The following PCDHGC3 variants were observed in gnomAD, a reference collection of about 807,000 sequenced individuals.
PCDHGC3 encodes protocadherin gamma-C3.
In PCDHGC3, 26 loss-of-function variants were observed where a neutral mutation model predicts 59.2. The observed-to-expected ratio is 0.44, with a 90% CI of 0.32 to 0.61. The LOEUF is 0.61. PCDHGC3 is among the 20% of genes least tolerant of loss of function. The pLI is 0.05. For missense variants in PCDHGC3, 1,080 were observed against 1,221.8 expected (o/e 0.88, Z 1.73); for synonymous variants, 487 against 519.7 (o/e 0.94, Z 0.86).
rs2099394683 is a variant in PCDHGC3, at chr5:141,476,602, C to G, written c.486C>G (p.Pro162=). 2.5e-6 allele frequency: 4 copies of G among 1,614,208 alleles called. No individual in the cohort carries two copies. The highest frequency in any genetic ancestry group is 2.2e-5 in the East Asian group (1 of 44,862). Reference sequence around the variant, plus strand: ...TTCCGCTCGAGAGCGCGCACGATCCCGATGTGGGAAGCAACTCTTTACAAA... The same window carrying G: ...TTCCGCTCGAGAGCGCGCACGATCCGGATGTGGGAAGCAACTCTTTACAAA... The part of the protein sequence containing the change: ...TRFPLESAHD[P]DVGSNSLQTY... The change falls in exon 1 of 4, where the codon CCC becomes CCG. Residue 162 remains proline, a synonymous_variant. Transcript: ENST00000308177. This position sits in a 1 kb window ranked among gnomAD's most constrained non-coding sequence, Gnocchi z 7.6.
intron 1 of PCDHGC3, among the ~76,000 whole-genome samples, chr5:141,481,049 C>A (rs1165894624): frequency 1.3e-5 from 2 of 152,096 alleles, no homozygotes; most frequent in Non-Finnish European, 2.9e-5. Context: ...CAGAGCGAGA[C>A]TCCACCTCAA....
rs1386737349 is a variant in PCDHGC3 at position 141,486,423 on chromosome 5, C to T, written c.2430+7877C>T. The T allele has an allele frequency of 6.2e-7, 1 of 1,614,042 alleles. No individual in the cohort carries two copies. The highest frequency in any genetic ancestry group is 8.5e-7 in the Non-Finnish European group (1 of 1,180,030). ...ACTGCTGGACCCTTGGATCGAGAGG[C>T]CAAATCTAGCTATGACATCATGGTC... is the stretch of plus-strand genomic sequence containing the variant. On this transcript the variant is annotated intron_variant, in intron 1 of 3. Transcript: ENST00000308177. The surrounding 1 kb of genome is among the most constrained non-coding windows in gnomAD (Gnocchi z 5.0).
chr5:141,478,124 T>C lies in PCDHGC3; in HGVS notation c.2008T>C (p.Ser670Pro), dbSNP rs776469996. The C allele has an allele frequency of 6.2e-7, 1 of 1,613,978 alleles. No individual in the cohort carries two copies. Among genetic ancestry groups the C allele is most frequent in the South Asian group, 1.1e-5 (1 of 91,080 alleles). Residue 670 changes from serine to proline, a missense_variant, in exon 1 of 4, where the codon TCT becomes CCT. Coordinates refer to ENST00000308177, the MANE Select transcript of PCDHGC3 (RefSeq NM_002588.4). Reference sequence around the variant, plus strand: ...CCTCACTGTGTCAGTAACCGAGGACTCTCCTGAAGCCCGAGCCGAGTTCCC... The same window carrying C: ...CCTCACTGTGTCAGTAACCGAGGACCCTCCTGAAGCCCGAGCCGAGTTCCC... ...ATLTVSVTED[S>P]PEARAEFPSG...
intron 1 of PCDHGC3, among the ~76,000 whole-genome samples, chr5:141,488,600 A>G (rs2099677400): frequency 6.6e-6 from 1 of 152,166 alleles, no homozygotes; most frequent in Admixed American, 6.5e-5. Flanking sequence ...AAGACTTTAC[A>G]AGGTTCTTAC....
chr5:141,502,784 G>C (rs185608958), intron 2 of PCDHGC3, among the ~76,000 whole-genome samples: 1 of 151,804 alleles, frequency 6.6e-6, no homozygotes, highest in Non-Finnish European at 1.5e-5. Flanking sequence ...AAATTACCTG[G>C]ATGATTTCTT....
At chr5:141,499,356 C>A (rs1472104991) in intron 2 of PCDHGC3, among the ~76,000 whole-genome samples, 1 of 152,062 alleles carries the variant, frequency 6.6e-6, no homozygotes, top group Non-Finnish European at 1.5e-5. Context: ...ATTCAACAAA[C>A]AAATAGCAAC....
rs2099693161 is a variant in PCDHGC3, at chr5:141,489,871, G to T, written c.2431-4936G>T. ...TGAAGCCCAGGCAAGACATCAGCTG[G>T]TGCTTACTGCTGTGGATGGGGGGAC... On this transcript the variant is annotated intron_variant, in intron 1 of 3. Coordinates refer to ENST00000308177, the MANE Select transcript of PCDHGC3 (RefSeq NM_002588.4). This position sits in a 1 kb window ranked among gnomAD's most constrained non-coding sequence, Gnocchi z 4.5. The T allele has an allele frequency of 6.2e-7, 1 of 1,614,088 alleles. No homozygotes were observed. Among genetic ancestry groups the T allele is most frequent in the Non-Finnish European group, 8.5e-7 (1 of 1,180,022 alleles).
chr5:141,487,718 A>G lies in PCDHGC3; in HGVS notation c.2431-7089A>G. Reference sequence around the variant, plus strand: ...TACTGGCCTCTCAGTAAGTGCCCATAGTGATGTCACCATTTTTGTAAGAGG... The same window carrying G: ...TACTGGCCTCTCAGTAAGTGCCCATGGTGATGTCACCATTTTTGTAAGAGG... On this transcript the variant is annotated intron_variant, in intron 1 of 3. Coordinates refer to ENST00000308177, the MANE Select transcript of PCDHGC3 (RefSeq NM_002588.4). The surrounding 1 kb of genome is among the most constrained non-coding windows in gnomAD (Gnocchi z 5.0). The G allele has an allele frequency of 1.3e-6, 2 of 1,580,268 alleles. No individual in the cohort carries two copies. The highest frequency in any genetic ancestry group is 1.7e-6 in the Non-Finnish European group (2 of 1,161,186).
chr5:141,476,666 G>T lies in PCDHGC3; in HGVS notation c.550G>T (p.Val184Leu). 9 of 1,614,246 alleles carry T rather than the reference G, an allele frequency of 5.6e-6. No homozygotes were observed. Among genetic ancestry groups the T allele is most frequent in the Non-Finnish European group, 7.6e-6 (9 of 1,180,044 alleles). ...CCGAAATGAATACTTTGCGCTTCGC[G>T]TGCAGACGCGGGAGGACAGCACCAA... ...LSRNEYFALR[V>L]QTREDSTKYA... is the part of the protein sequence containing the mutation. Residue 184 changes from valine (V) to leucine (L), a missense_variant, in exon 1 of 4, where the codon GTG (valine) becomes TTG (leucine). By Grantham distance (32) the Val-to-Leu change is conservative. Transcript: ENST00000308177. This position sits in a 1 kb window ranked among gnomAD's most constrained non-coding sequence, Gnocchi z 7.6.
In PCDHGC3 at chr5:141,489,116, C is replaced by A; in HGVS notation, c.2431-5691C>A. Reference sequence around the variant, plus strand: ...TAAGAACTGCTGCAAGCAGGCAAACCTCCGAGCAGTTTTTAAGAGGCTGGA... The same window carrying A: ...TAAGAACTGCTGCAAGCAGGCAAACATCCGAGCAGTTTTTAAGAGGCTGGA... On this transcript the variant is annotated intron_variant, in intron 1 of 3. Transcript: ENST00000308177. The surrounding 1 kb of genome is among the most constrained non-coding windows in gnomAD (Gnocchi z 4.5). 3.7e-6 allele frequency: 2 copies of A among 536,398 alleles called. No homozygotes were observed. The highest frequency in any genetic ancestry group is 6.2e-6 in the Non-Finnish European group (2 of 322,530). 33.2% of individuals were successfully genotyped at this position (536,398 alleles called of 1,614,324 possible).
At chr5:141,494,326 G>C (rs2154591458) in intron 1 of PCDHGC3, among the ~76,000 whole-genome samples, 1 of 152,312 alleles carries the variant, frequency 6.6e-6, no homozygotes, top group Middle Eastern at 3.4e-3. Context: ...GGCACCAAAA[G>C]GGTTACCAAG....
intron 1 of PCDHGC3, among the ~76,000 whole-genome samples, chr5:141,483,084 C>CA (rs898059463): frequency 8.0e-5 from 12 of 150,326 alleles, no homozygotes; most frequent in Admixed American, 2.0e-4. Context: ...GACTCCATCT[C>CA]AAAAAAAAAG....
intron 1 of PCDHGC3, 130 bp downstream of exon 1, chr5:141,478,676 G>A (rs540780497): frequency 6.4e-7 from 1 of 1,551,522 alleles, no homozygotes; most frequent in African/African-American, 1.4e-5. Flanking sequence ...CTTTCAACTG[G>A]CCCTTCCTAG....
In PCDHGC3 at chr5:141,476,182, G is replaced by A. The variant is rs369561139; in HGVS notation, c.66G>A (p.Leu22=). The change falls in exon 1 of 4, where the codon CTG becomes CTA. Residue 22 remains leucine (L), a synonymous_variant. Coordinates refer to ENST00000308177, the MANE Select transcript of PCDHGC3 (RefSeq NM_002588.4). This position sits in a 1 kb window ranked among gnomAD's most constrained non-coding sequence, Gnocchi z 7.6. ...GGAGGGTAGTGGGAGTTTTGCTTCT[G>A]CTTGGTGCCTTGAACAAGGCTTCCA... ...STGRVVGVLL[L]LGALNKASTV... is the part of the protein sequence containing the mutation. 5 of 1,613,554 alleles carry A rather than the reference G, an allele frequency of 3.1e-6. No homozygotes were observed. Among genetic ancestry groups the A allele is most frequent in the Admixed American group, 1.7e-5 (1 of 59,996 alleles).
rs980944782 is a variant in PCDHGC3 at position 141,487,625 on chromosome 5, T to C, written c.2431-7182T>C. On this transcript the variant is annotated intron_variant, in intron 1 of 3. Coordinates refer to ENST00000308177, the MANE Select transcript of PCDHGC3 (RefSeq NM_002588.4). This position sits in a 1 kb window ranked among gnomAD's most constrained non-coding sequence, Gnocchi z 5.0. ...TCTCTATGGGCTAGAGGTGAGACCT[T>C]TGCAGGCTCAACAAATGCTTGAGGG... 4 of 1,614,090 alleles carry C rather than the reference T, an allele frequency of 2.5e-6. No homozygotes were observed. Among genetic ancestry groups the C allele is most frequent in the Admixed American group, 3.3e-5 (2 of 60,004 alleles).
Position 141,491,260 on chromosome 5 carries a change from A to G in PCDHGC3, c.2431-3547A>G. On this transcript the variant is annotated intron_variant, in intron 1 of 3. Coordinates refer to ENST00000308177, the MANE Select transcript of PCDHGC3 (RefSeq NM_002588.4). This position sits in a 1 kb window ranked among gnomAD's most constrained non-coding sequence, Gnocchi z 6.9. ...TCTGGAGGATGAGGACCCTGAGGAA[A>G]TGCCCAAATCCAGTGACTTCCTCAT... 6.2e-7 allele frequency: 1 copy of G among 1,614,108 alleles called. No individual in the cohort carries two copies. The highest frequency in any genetic ancestry group is 1.7e-5 in the Admixed American group (1 of 60,028).
At position 141,485,321 on chromosome 5, in the gene PCDHGC3, C is replaced by G. The variant is rs780179631; in HGVS notation, c.2430+6775C>G. The G allele has an allele frequency of 6.2e-7, 1 of 1,614,154 alleles. No homozygotes were observed. Among genetic ancestry groups the G allele is most frequent in the Non-Finnish European group, 8.5e-7 (1 of 1,180,024 alleles). On this transcript the variant is annotated intron_variant, in intron 1 of 3. Transcript: ENST00000308177. This position sits in a 1 kb window ranked among gnomAD's most constrained non-coding sequence, Gnocchi z 5.7. The stretch of plus-strand genomic sequence containing the variant: ...AGGGACTTTTGTAGGGAATGTCGCT[C>G]AAGATTTCCTGCTGGATACGGACAG...
Position 141,476,682 on chromosome 5 carries a change from A to G in PCDHGC3, c.566A>G (p.Asp189Gly), listed in dbSNP as rs987205396. The G allele has an allele frequency of 6.2e-7, 1 of 1,614,072 alleles. No individual in the cohort carries two copies. Among genetic ancestry groups the G allele is most frequent in the African/African-American group, 1.3e-5 (1 of 74,934 alleles). ...YFALRVQTRE[D>G]STKYAELVLE... ...GCGCTTCGCGTGCAGACGCGGGAGG[A>G]CAGCACCAAGTACGCGGAGCTGGTG... The change falls in exon 1 of 4, where the codon GAC becomes GGC. Residue 189 changes from aspartate to glycine, a missense_variant. Asp to Gly is a moderately conservative substitution (Grantham distance 94). Coordinates refer to ENST00000308177, the MANE Select transcript of PCDHGC3 (RefSeq NM_002588.4). The surrounding 1 kb of genome is among the most constrained non-coding windows in gnomAD (Gnocchi z 7.6).
intron 1 of PCDHGC3, among the ~76,000 whole-genome samples, chr5:141,492,418 C>T (rs1428695013): frequency 2.0e-5 from 3 of 152,236 alleles, no homozygotes; most frequent in Admixed American, 1.3e-4. Flanking sequence ...CCGCTCCCTC[C>T]GCCGGGCTCA....
Sources: allele counts gnomAD v4.1 joint callset (sites outside exome capture counted in the v4.1 genomes callset), GRCh38; gene constraint gnomAD v4.1.1; non-coding constraint Gnocchi (gnomAD v3.1); transcripts MANE v1.5; gene names NCBI Gene and HGNC (gene_info 2026-07-23, HGNC 2026-07-21).